Variants in UNC13B observed in about 807,000 individuals in gnomAD.
UNC13B encodes protein unc-13 homolog B.
In UNC13B, 144 loss-of-function variants were observed where a neutral mutation model predicts 211.0. That is an observed-to-expected ratio of 0.68 (90% CI 0.60 to 0.78). The LOEUF (loss-of-function observed/expected upper bound fraction) is 0.78, where lower values mean the gene tolerates loss of function less well. Among genes scored for constraint, UNC13B ranks in the 30% least tolerant of loss-of-function variants. UNC13B has a pLI of 0.00. For missense variants in UNC13B, 1,777 were observed against 2,002.0 expected, an observed-to-expected ratio of 0.89 and a Z score of 2.14; for synonymous variants, 709 against 725.8, an observed-to-expected ratio of 0.98 and a Z score of 0.37.
chr9:35,260,054 A>AAAC (rs1487370762), intron 7 of UNC13B, among the ~76,000 whole-genome samples: 3 of 149,320 alleles, frequency 2.0e-5, no homozygotes, highest in Non-Finnish European at 3.0e-5. Context: ...AAAAAAAAAA[A>AAAC]AAAAAAAAAA....
chr9:35,349,632 C>T (rs572704594), intron 11 of UNC13B, among the ~76,000 whole-genome samples: 1 of 152,198 alleles, frequency 6.6e-6, no homozygotes, highest in South Asian at 2.1e-4. Context: ...AAGAATTCCT[C>T]AATGAATTAG....
At chr9:35,359,464 A>G (rs1301731397) in intron 11 of UNC13B, among the ~76,000 whole-genome samples, 1 of 152,196 alleles carries the variant, frequency 6.6e-6, no homozygotes, top group East Asian at 1.9e-4. Flanking sequence ...TCTTCCATGA[A>G]CACCAGACTC....
At position 35,378,381 on chromosome 9, in the gene UNC13B, C is replaced by T. The variant is rs763622459; in HGVS notation, c.10150C>T (p.Arg3384Cys). The T allele has an allele frequency of 1.1e-5, 17 of 1,613,958 alleles. No homozygotes were observed. The highest frequency in any genetic ancestry group is 5.5e-5 in the South Asian group (5 of 91,078). Residue 3384 changes from arginine (R) to cysteine (C), a missense_variant, in exon 17 of 40, where the codon CGT becomes TGT. Coordinates refer to ENST00000635942, the MANE Select transcript of UNC13B (RefSeq NM_001371189.2). ...TGTGCAAGTCAGCAAAACTAAGAAGCGTACCAAGACCATTTTTGGAAACTT... is the reference window on the plus strand; with the variant it reads ...TGTGCAAGTCAGCAAAACTAAGAAGTGTACCAAGACCATTTTTGGAAACTT... ...VTVQVSKTKK[R>C]TKTIFGNLNP...
chr9:35,175,690 T>C (rs1049151954), intron 1 of UNC13B, among the ~76,000 whole-genome samples: 1 of 152,116 alleles, frequency 6.6e-6, no homozygotes, highest in African/African-American at 2.4e-5. Context: ...AGGCTACACA[T>C]TCAGAAGTTC....
chr9:35,327,635 C>A (rs1831092066), intron 11 of UNC13B, among the ~76,000 whole-genome samples: 1 of 152,176 alleles, frequency 6.6e-6, no homozygotes, highest in Non-Finnish European at 1.5e-5. Flanking sequence ...CTTCCTCTCC[C>A]AGTCCACCAA....
At chr9:35,178,245 A>T (rs979015025) in intron 1 of UNC13B, among the ~76,000 whole-genome samples, 1 of 152,340 alleles carries the variant, frequency 6.6e-6, no homozygotes, top group South Asian at 2.1e-4. Context: ...ACAGTGGCTC[A>T]TGCCTGTAAT....
intron 6 of UNC13B, among the ~76,000 whole-genome samples, chr9:35,253,615 G>A (rs889629218): frequency 2.6e-5 from 4 of 152,074 alleles, no homozygotes; most frequent in African/African-American, 4.8e-5. Context: ...AGTGTGTAAC[G>A]TTTCCCATAC....
At chr9:35,310,241 G>A (rs1280636530) in intron 9 of UNC13B, among the ~76,000 whole-genome samples, 1 of 152,126 alleles carries the variant, frequency 6.6e-6, no homozygotes, top group African/African-American at 2.4e-5. Context: ...GCAGAACTGA[G>A]GTTAAGTGTC....
At chr9:35,297,561 T>TTTTGTTTTTTTGTTTTTTTG (rs1587564967) in intron 8 of UNC13B, among the ~76,000 whole-genome samples, 12 of 128,164 alleles carry the variant, frequency 9.4e-5, no homozygotes, top group African/African-American at 2.9e-4. Flanking sequence ...TTTTTTTTTT[T>TTTTGTTTTTTTGTTTTTTTG]TTTTTTGAGA....
chr9:35,352,911 A>T, intron 11 of UNC13B: 1 of 1,232,168 alleles, frequency 8.1e-7, no homozygotes, highest in Admixed American at 4.2e-5. Flanking sequence ...AAACCAGAAA[A>T]TGACTGCCAC....
At chr9:35,270,587 GT>G (rs969104528) in intron 7 of UNC13B, among the ~76,000 whole-genome samples, 57 of 151,286 alleles carry the variant, frequency 3.8e-4, no homozygotes, top group African/African-American at 1.0e-3. Context: ...ATTCTTGAAA[GT>G]TTTTTTTTAA....
At chr9:35,267,406 C>T (rs1255098264) in intron 7 of UNC13B, among the ~76,000 whole-genome samples, 1 of 152,194 alleles carries the variant, frequency 6.6e-6, no homozygotes, top group Admixed American at 6.5e-5. Context: ...CACAAAGACA[C>T]ATCCATGCCA....
At chr9:35,230,777 A>G (rs1331953046) in intron 2 of UNC13B, among the ~76,000 whole-genome samples, 1 of 152,186 alleles carries the variant, frequency 6.6e-6, no homozygotes, top group East Asian at 1.9e-4. Context: ...ACATTGTAAT[A>G]GATTAAATAA....
intron 11 of UNC13B, chr9:35,352,416 T>A: frequency 4.9e-6 from 6 of 1,231,818 alleles, no homozygotes; most frequent in Non-Finnish European, 6.1e-6. Flanking sequence ...AATGTGGGAG[T>A]CCGAATTGCC....
intron 11 of UNC13B, among the ~76,000 whole-genome samples, chr9:35,342,982 A>T (rs117836307): frequency 6.6e-6 from 1 of 152,386 alleles, no homozygotes; most frequent in East Asian, 1.9e-4. Context: ...ATGTGTGTAT[A>T]TGCCATATAA....
rs907437315 is a variant in UNC13B at position 35,246,198 on chromosome 9, GT to G, written c.468+2844del. Among the ~76,000 whole-genome samples, 375 of 148,668 alleles carry G rather than the reference GT, an allele frequency of 2.5e-3. 5 individuals are homozygous for G. Among genetic ancestry groups the G allele is most frequent in the Admixed American group, 0.022 (324 of 14,932 alleles). On this transcript the variant is annotated intron_variant, in intron 6 of 39. Coordinates refer to ENST00000635942, the MANE Select transcript of UNC13B (RefSeq NM_001371189.2). ...CCTTTGCCCACTTGTTGATGGGGTT[GT>G]TTTTTTTTTCTTGTAAATTTGTTTG...
chr9:35,228,709 T>A (rs1360491451), intron 2 of UNC13B, among the ~76,000 whole-genome samples: 7 of 29,564 alleles, frequency 2.4e-4, no homozygotes, highest in African/African-American at 3.1e-4. Flanking sequence ...TGAAAGTGTG[T>A]GTGTGTGTGT....
chr9:35,320,178 T>C (rs1303137142), intron 11 of UNC13B, among the ~76,000 whole-genome samples: 2 of 152,218 alleles, frequency 1.3e-5, no homozygotes, highest in African/African-American at 4.8e-5. Context: ...TCTGCTATTG[T>C]GAATAATGCT....
intron 1 of UNC13B, among the ~76,000 whole-genome samples, chr9:35,175,864 TA>T: frequency 6.7e-6 from 1 of 149,848 alleles, no homozygotes; most frequent in African/African-American, 2.5e-5. Flanking sequence ...TAAAAATATA[TA>T]AAAAAAAAAA....
Sources: gnomAD v4.1 joint callset for allele counts (sites outside exome capture counted in the v4.1 genomes callset) on GRCh38, gnomAD v4.1.1 for gene constraint, MANE v1.5 for transcripts, NCBI Gene and HGNC (gene_info 2026-07-23, HGNC 2026-07-21) for gene names.